The following SLC39A8 variants were observed in gnomAD, a reference collection of about 807,000 sequenced individuals.
SLC39A8 encodes metal cation symporter ZIP8.
In SLC39A8, 15 loss-of-function variants were observed where a neutral mutation model predicts 40.4. The observed-to-expected ratio is 0.37, with a 90% CI of 0.25 to 0.57. The LOEUF (loss-of-function observed/expected upper bound fraction) is 0.57, where lower values mean the gene tolerates loss of function less well. SLC39A8 is among the 20% of genes least tolerant of loss of function. The pLI is 0.75. For missense variants in SLC39A8, 472 were observed against 558.8 expected, an observed-to-expected ratio of 0.84 and a Z score of 1.57; for synonymous variants, 223 against 221.6, an observed-to-expected ratio of 1.01 and a Z score of -0.06.
intron 3 of SLC39A8, among the ~76,000 whole-genome samples, chr4:102,311,992 A>G (rs1251264078): frequency 1.3e-5 from 2 of 152,094 alleles, no homozygotes; most frequent in Non-Finnish European, 2.9e-5. Flanking sequence ...CTATGAACAC[A>G]TGTATAAGAA....
chr4:102,265,835 C>T (rs1270396537), intron 8 of SLC39A8, among the ~76,000 whole-genome samples: 1 of 152,178 alleles, frequency 6.6e-6, no homozygotes, highest in Non-Finnish European at 1.5e-5. Flanking sequence ...TTCTCTTTCT[C>T]CTTTTCCATT....
At chr4:102,307,260 T>C (rs527934239) in intron 4 of SLC39A8, among the ~76,000 whole-genome samples, 176 bp downstream of exon 4, 2 of 152,188 alleles carry the variant, frequency 1.3e-5, no homozygotes, top group East Asian at 3.9e-4. Context: ...GATAGTGATA[T>C]CCACTGCAGC....
At chr4:102,253,476 G>A in intron 11 of SLC39A8, 1 of 699,602 alleles carries the variant, frequency 1.4e-6, no homozygotes, top group Non-Finnish European at 2.7e-6. Context: ...AAGCATGTGA[G>A]TTACCATGTT....
chr4:102,273,313 G>A (rs922578301), intron 6 of SLC39A8, among the ~76,000 whole-genome samples: 1 of 152,178 alleles, frequency 6.6e-6, no homozygotes. Context: ...CCTTCATAAT[G>A]TAAACAAAGC....
intron 6 of SLC39A8, among the ~76,000 whole-genome samples, chr4:102,273,971 A>T (rs149907535): frequency 0.013 from 1,942 of 152,330 alleles, 33 homozygotes; most frequent in Non-Finnish European, 0.015. Context: ...CCAAAGGTAG[A>T]TAAAGTCACC....
intron 3 of SLC39A8, among the ~76,000 whole-genome samples, chr4:102,314,624 T>G (rs536697750): frequency 8.4e-4 from 128 of 152,228 alleles, no homozygotes; most frequent in African/African-American, 3.1e-3. Context: ...CTATGTTGGC[T>G]GTGCCCTCAA....
At chr4:102,282,482 T>C (rs926289608) in intron 6 of SLC39A8, among the ~76,000 whole-genome samples, 9 of 152,188 alleles carry the variant, frequency 5.9e-5, no homozygotes, top group African/African-American at 1.4e-4. Flanking sequence ...TTTTGTTGTT[T>C]GTTTGCCAAT....
intron 2 of SLC39A8, 97 bp downstream of exon 2, chr4:102,344,347 T>C: frequency 1.2e-6 from 1 of 818,306 alleles, no homozygotes. Flanking sequence ...ACAAGATTCT[T>C]TCTCCTGCAC....
At chr4:102,266,764 C>T (rs1309281145) in intron 8 of SLC39A8, among the ~76,000 whole-genome samples, 10 of 152,098 alleles carry the variant, frequency 6.6e-5, no homozygotes, top group African/African-American at 2.4e-4. Flanking sequence ...CCCGCCACCA[C>T]GCCCGGCTAA....
At chr4:102,267,345 T>G (rs1006064481) in intron 8 of SLC39A8, 145 bp downstream of exon 8, 8 of 622,358 alleles carry the variant, frequency 1.3e-5, no homozygotes, top group Non-Finnish European at 2.1e-5. Context: ...AGTAGAATGA[T>G]CTGTTGAAAT....
intron 2 of SLC39A8, among the ~76,000 whole-genome samples, chr4:102,320,174 T>TATATATATATGTATATATATAC (rs1734848250): frequency 1.7e-5 from 2 of 116,036 alleles, no homozygotes; most frequent in African/African-American, 8.1e-5. Context: ...TATACATATA[T>TATATATATATGTATATATATAC]ATATATATAT....
chr4:102,321,601 T>C (rs891242088), intron 2 of SLC39A8, among the ~76,000 whole-genome samples: 1 of 152,210 alleles, frequency 6.6e-6, no homozygotes, highest in Admixed American at 6.5e-5. Flanking sequence ...TTTTTTCTGG[T>C]CGTGTGACAA....
At chr4:102,318,980 G>A (rs1423026699) in intron 2 of SLC39A8, among the ~76,000 whole-genome samples, 1 of 152,126 alleles carries the variant, frequency 6.6e-6, no homozygotes, top group African/African-American at 2.4e-5. Flanking sequence ...CTCTAAGTTT[G>A]AAGTTAAGCT....
chr4:102,281,712 T>C (rs1008256707), intron 6 of SLC39A8, among the ~76,000 whole-genome samples: 1 of 152,086 alleles, frequency 6.6e-6, no homozygotes, highest in African/African-American at 2.4e-5. Context: ...ACTGGCACCC[T>C]GGTTTATATT....
chr4:102,253,748 A>G (rs1172398888), intron 11 of SLC39A8, among the ~76,000 whole-genome samples: 1 of 152,148 alleles, frequency 6.6e-6, no homozygotes, highest in Non-Finnish European at 1.5e-5. Context: ...TCCCATCGAG[A>G]TATCCCCTAC....
downstream of SLC39A8, among the ~76,000 whole-genome samples, chr4:102,258,740 C>T (rs1199856618): frequency 1.3e-5 from 2 of 152,176 alleles, no homozygotes; most frequent in Non-Finnish European, 2.9e-5. Context: ...TAAGACTAAC[C>T]TTTCTTTTAT....
chr4:102,277,791 T>G (rs560569240), intron 6 of SLC39A8, among the ~76,000 whole-genome samples: 131 of 152,240 alleles, frequency 8.6e-4, no homozygotes, highest in Non-Finnish European at 1.6e-3. Context: ...AACAGATATA[T>G]AGACCAATAG....
intron 2 of SLC39A8, among the ~76,000 whole-genome samples, chr4:102,322,251 G>C (rs1417236859): frequency 2.0e-5 from 3 of 152,268 alleles, no homozygotes; most frequent in African/African-American, 7.2e-5. Flanking sequence ...TAACTAAGAA[G>C]TGGAGAAAGA....
intron 6 of SLC39A8, among the ~76,000 whole-genome samples, chr4:102,297,976 G>A (rs1733751569): frequency 6.6e-6 from 1 of 151,818 alleles, no homozygotes; most frequent in South Asian, 2.1e-4. Context: ...AATATTTAGA[G>A]GAACTGGCCT....
Sources: allele counts gnomAD v4.1 joint callset (sites outside exome capture counted in the v4.1 genomes callset), GRCh38; gene constraint gnomAD v4.1.1; transcripts MANE v1.5; gene names NCBI Gene and HGNC (gene_info 2026-07-23, HGNC 2026-07-21).